Variants in IFNGR2 observed in about 807,000 individuals in gnomAD.
The protein encoded by IFNGR2 is interferon gamma receptor 2, also known as IFN-gamma receptor 2.
A neutral mutation model predicts 41.1 loss-of-function variants in IFNGR2; 15 were observed. The observed-to-expected ratio is 0.37, with a 90% confidence interval of 0.24 to 0.56. The LOEUF is 0.56. IFNGR2 is among the 20% of genes least tolerant of loss of function. The probability of loss-of-function intolerance (pLI) is 0.81; values close to 1 mark genes in which losing one functional copy is unlikely to be tolerated. For missense variants in IFNGR2, 362 were observed against 415.7 expected (o/e 0.87, Z 1.12); for synonymous variants, 161 against 171.6 (o/e 0.94, Z 0.48).
Position 33,436,341 on chromosome 21 carries a change from T to C in IFNGR2, c.880-487T>C, listed in dbSNP as rs114462887. Among the ~76,000 whole-genome samples, 513 of 151,396 alleles carry C rather than the reference T, an allele frequency of 3.4e-3. 4 individuals are homozygous for C. The highest frequency in any genetic ancestry group is 0.012 in the African/African-American group (480 of 41,348). ...GAAACTCCGTCTCAAAAAAAAAAAA[T>C]TGTTTCATTGTTGAATAAAAAGAAA... On this transcript the variant is annotated intron_variant, in intron 6 of 6. Coordinates refer to ENST00000290219, the MANE Select transcript of IFNGR2 (RefSeq NM_005534.4).
chr21:33,403,632 G>T lies in IFNGR2; in HGVS notation c.73+16G>T. On this transcript the variant is annotated intron_variant, in intron 1 of 6. Coordinates refer to ENST00000290219, the MANE Select transcript of IFNGR2 (RefSeq NM_005534.4). ...GCCCCGCCAGGTGAGCCGGGCCTGGGCCTCCGCGGCGGGACGCGGGCGCAG... is the reference window on the plus strand; with the variant it reads ...GCCCCGCCAGGTGAGCCGGGCCTGGTCCTCCGCGGCGGGACGCGGGCGCAG... The T allele has an allele frequency of 1.5e-6, 2 of 1,318,070 alleles. No individual in the cohort carries two copies. Among genetic ancestry groups the T allele is most frequent in the Non-Finnish European group, 1.9e-6 (2 of 1,037,008 alleles). The allele number at this position is 1,318,070 out of a possible 1,614,324, so 81.6% of individuals were successfully genotyped here.
At chr21:33,427,927 T>C (rs1356901552) in intron 4 of IFNGR2, among the ~76,000 whole-genome samples, 3 of 151,176 alleles carry the variant, frequency 2.0e-5, no homozygotes, top group African/African-American at 4.9e-5. Flanking sequence ...ACAGGGTTTT[T>C]ACCACGTTGG....
chr21:33,436,858 GAGGCCTTGGACA>G lies in IFNGR2; in HGVS notation c.914_925del (p.Ala305_Lys308del). The G allele has an allele frequency of 6.2e-7, 1 of 1,614,072 alleles. No homozygotes were observed. The highest frequency in any genetic ancestry group is 8.5e-7 in the Non-Finnish European group (1 of 1,179,968). On this transcript the variant is annotated inframe_deletion, in exon 7 of 7. Transcript: ENST00000290219. ...AAAAGACCCAACTCAGCCCATCTTAGAGGCCTTGGACAAGGACAGCTCACCAAAGGATGACGT... is the reference window on the plus strand; with the variant it reads ...AAAAGACCCAACTCAGCCCATCTTAGAGGACAGCTCACCAAAGGATGACGT...
chr21:33,408,916 C>T (rs968964397), intron 1 of IFNGR2, among the ~76,000 whole-genome samples: 15 of 152,116 alleles, frequency 9.9e-5, no homozygotes, highest in Admixed American at 3.9e-4. Context: ...TGGTGGCTCA[C>T]GCCTGTAATC....
At chr21:33,428,008 G>C (rs1418614109) in intron 4 of IFNGR2, among the ~76,000 whole-genome samples, 1 of 151,926 alleles carries the variant, frequency 6.6e-6, no homozygotes. Context: ...TGGGATTACA[G>C]GCATGAGCCA....
At chr21:33,415,079 C>T (rs2123339557) in intron 2 of IFNGR2, 59 bp downstream of exon 2, 1 of 1,598,326 alleles carries the variant, frequency 6.3e-7, no homozygotes, top group South Asian at 1.1e-5. Context: ...GTGCGGAACC[C>T]TGGGGCCACA....
chr21:33,419,916 A>G (rs973240233), intron 2 of IFNGR2, among the ~76,000 whole-genome samples: 1 of 152,106 alleles, frequency 6.6e-6, no homozygotes, highest in Admixed American at 6.6e-5. Flanking sequence ...TTGGAGGAGG[A>G]GGAGCGGGGC....
chr21:33,417,703 T>G (rs192891871), intron 2 of IFNGR2, among the ~76,000 whole-genome samples: 42 of 152,292 alleles, frequency 2.8e-4, no homozygotes, highest in African/African-American at 8.7e-4. Flanking sequence ...AGGTCACATG[T>G]CAGGAAGTTG....
intron 1 of IFNGR2, among the ~76,000 whole-genome samples, chr21:33,408,166 A>T (rs922044227): frequency 1.3e-5 from 2 of 152,026 alleles, no homozygotes; most frequent in African/African-American, 4.8e-5. Flanking sequence ...TAATCAAACT[A>T]TGCTGTTAAG....
intron 2 of IFNGR2, among the ~76,000 whole-genome samples, chr21:33,420,679 T>C (rs1485362858): frequency 6.6e-6 from 1 of 152,212 alleles, no homozygotes; most frequent in Non-Finnish European, 1.5e-5. Context: ...GCAAATCATC[T>C]ATCTGACAAG....
intron 4 of IFNGR2, among the ~76,000 whole-genome samples, chr21:33,431,725 C>A (rs140560189): frequency 6.6e-6 from 1 of 152,188 alleles, no homozygotes; most frequent in Non-Finnish European, 1.5e-5. Context: ...TGTGTGCCAC[C>A]ACATCCAGCT....
intron 1 of IFNGR2, among the ~76,000 whole-genome samples, chr21:33,407,514 A>G (rs983089930): frequency 3.3e-5 from 5 of 152,230 alleles, no homozygotes; most frequent in East Asian, 3.8e-4. Context: ...GAACTAGGTT[A>G]TATCTCTAGT....
rs574834172 is a variant in IFNGR2, at chr21:33,407,784, C to T, written c.73+4168C>T. Among the ~76,000 whole-genome samples the T allele has an allele frequency of 1.7e-3, 264 of 151,686 alleles. 1 individual carries two copies. Among genetic ancestry groups the T allele is most frequent in the African/African-American group, 5.5e-3 (227 of 41,282 alleles). ...CTAATTTTTATATTTTTAGTAGGGA[C>T]GGGGTTTCACCACGTTGGCTAGGCT... On this transcript the variant is annotated intron_variant, in intron 1 of 6. Transcript: ENST00000290219.
At chr21:33,435,655 T>A (rs1007390932) in intron 6 of IFNGR2, among the ~76,000 whole-genome samples, 3 of 150,194 alleles carry the variant, frequency 2.0e-5, no homozygotes, top group Non-Finnish European at 3.0e-5. Context: ...GAGGCCGAGG[T>A]GGGTGGATCA....
At chr21:33,404,990 C>T (rs1292207715) in intron 1 of IFNGR2, among the ~76,000 whole-genome samples, 1 of 151,902 alleles carries the variant, frequency 6.6e-6, no homozygotes, top group Admixed American at 6.6e-5. Flanking sequence ...GTGGTAGCGC[C>T]CGCCTGTAAT....
rs2083893286 is a variant in IFNGR2, at chr21:33,432,064, T to A, written c.562-113T>A. The stretch of plus-strand genomic sequence containing the variant: ...AGCCAGTGACCCACTAAAAATGGCA[T>A]CTTGTTCTTCTTTGGTTGTCGTGTT... On this transcript the variant is annotated intron_variant, in intron 4 of 6. Coordinates refer to ENST00000290219, the MANE Select transcript of IFNGR2 (RefSeq NM_005534.4). The A allele has an allele frequency of 4.0e-6, 4 of 998,682 alleles. No homozygotes were observed. In the South Asian group the frequency reaches 5.1e-5, roughly 13 times the overall value. The allele number at this position is 998,682 out of a possible 1,614,324, so 61.9% of individuals were successfully genotyped here.
At chr21:33,425,228 C>T (rs1037856504) in intron 3 of IFNGR2, among the ~76,000 whole-genome samples, 3 of 152,020 alleles carry the variant, frequency 2.0e-5, no homozygotes, top group Admixed American at 2.0e-4. Context: ...CCCGTGATAC[C>T]CTTATTTGGC....
rs902013258 is a variant in IFNGR2 at position 33,430,819 on chromosome 21, A to C, written c.562-1358A>C. 2.6e-5 allele frequency among the ~76,000 whole-genome samples: 4 copies of C among 152,318 alleles called. No individual in the cohort carries two copies. In the East Asian group the frequency reaches 7.7e-4, roughly 29 times the overall value. Reference sequence around the variant, plus strand: ...AATAATCTGCCTTTTTTCAGTTAACAATTTAGCAGCCTTGTCTTCCCATGT... The same window carrying C: ...AATAATCTGCCTTTTTTCAGTTAACCATTTAGCAGCCTTGTCTTCCCATGT... On this transcript the variant is annotated intron_variant, in intron 4 of 6. Coordinates refer to ENST00000290219, the MANE Select transcript of IFNGR2 (RefSeq NM_005534.4).
At chr21:33,435,193 G>T (rs575604098) in intron 6 of IFNGR2, among the ~76,000 whole-genome samples, 5 of 152,120 alleles carry the variant, frequency 3.3e-5, no homozygotes, top group Non-Finnish European at 5.9e-5. Flanking sequence ...GAAATTAATC[G>T]CTGGGAAACA....
Sources: allele counts gnomAD v4.1 joint callset (sites outside exome capture counted in the v4.1 genomes callset), GRCh38; gene constraint gnomAD v4.1.1; transcripts MANE v1.5; gene names NCBI Gene and HGNC (gene_info 2026-07-23, HGNC 2026-07-21).